ZGRF1: variants seen among roughly 807,000 people sequenced by gnomAD.
The protein encoded by ZGRF1 is 5'-3' DNA helicase ZGRF1.
In ZGRF1, 196 loss-of-function variants were observed where a neutral mutation model predicts 203.5. The ratio of observed to expected loss-of-function variants is 0.96; its 90% CI spans 0.86 to 1.08. The LOEUF is 1.08. Ranked by LOEUF, ZGRF1 falls within the 50% of genes least tolerant of loss-of-function variation. ZGRF1 has a pLI of 0.00. For synonymous variants in ZGRF1, 809 were observed against 841.3 expected, an observed-to-expected ratio of 0.96 and a Z score of 0.66; for missense variants, 2,326 against 2,416.3, an observed-to-expected ratio of 0.96 and a Z score of 0.78.
At chr4:112,583,377 G>A (rs912425507) in intron 15 of ZGRF1, among the ~76,000 whole-genome samples, 2 of 152,076 alleles carry the variant, frequency 1.3e-5, no homozygotes, top group Non-Finnish European at 2.9e-5. Flanking sequence ...ATAGTTTGTC[G>A]GATAGGGTTT....
At chr4:112,606,159 T>C (rs952210192) in intron 8 of ZGRF1, 68 bp from the exon 9 acceptor site, 7 of 1,046,706 alleles carry the variant, frequency 6.7e-6, no homozygotes, top group Admixed American at 4.6e-5. Flanking sequence ...ATGATTTTGA[T>C]GGAAAAATAA....
intron 7 of ZGRF1, chr4:112,611,042 A>C (rs1751502258): frequency 4.8e-6 from 1 of 208,750 alleles, no homozygotes; most frequent in African/African-American, 2.4e-5. Context: ...AAAAGAAAAA[A>C]AAATCAACAT....
chr4:112,586,512 T>C lies in ZGRF1; in HGVS notation c.3849A>G (p.Gln1283=), dbSNP rs756801335. The change falls in exon 13 of 28, where the codon CAA becomes CAG. Residue 1283 remains glutamine (Q), a synonymous_variant. Coordinates refer to ENST00000505019, the MANE Select transcript of ZGRF1 (RefSeq NM_018392.5). ...ACTGAAAAACAGCTGGTATGTGAAT[T>C]TGCCTTTGGGGAAGATAAGCAGATT... The part of the protein sequence containing the change: ...KIKSAYLPQR[Q]IHIPAVFQSP... The C allele has an allele frequency of 6.2e-7, 1 of 1,613,268 alleles. No individual in the cohort carries two copies. The highest frequency in any genetic ancestry group is 8.5e-7 in the Non-Finnish European group (1 of 1,179,506).
At chr4:112,612,632 C>A in intron 6 of ZGRF1, 44 bp from the exon 7 acceptor site, 1 of 1,219,900 alleles carries the variant, frequency 8.2e-7, no homozygotes, top group South Asian at 1.3e-5. Flanking sequence ...TTATATATAG[C>A]AGTACTCTAA....
At chr4:112,601,783 A>C (rs960406920) in intron 10 of ZGRF1, among the ~76,000 whole-genome samples, 3 of 152,184 alleles carry the variant, frequency 2.0e-5, no homozygotes, top group Admixed American at 1.3e-4. Context: ...CAAAGATACC[A>C]TTAAGAGTGA....
chr4:112,595,960 G>A (rs1207200456), intron 10 of ZGRF1, among the ~76,000 whole-genome samples: 1 of 152,116 alleles, frequency 6.6e-6, no homozygotes, highest in Non-Finnish European at 1.5e-5. Context: ...CTACATGCAA[G>A]CAATGTCACG....
chr4:112,627,530 C>T (rs923907997), intron 3 of ZGRF1, among the ~76,000 whole-genome samples: 1 of 152,058 alleles, frequency 6.6e-6, no homozygotes, highest in African/African-American at 2.4e-5. Context: ...CATCTGAGGT[C>T]GAGAGTTTGA....
rs774737762 is a variant in ZGRF1, at chr4:112,631,993, T to A, written c.39A>T (p.Gln13His). The A allele has an allele frequency of 6.3e-7, 1 of 1,578,706 alleles. No individual in the cohort carries two copies. The highest frequency in any genetic ancestry group is 1.3e-5 in the African/African-American group (1 of 74,078). ...SQEFIVLYTH[Q>H]KMKKSKVWQD... ...GCCACACTTTTGACTTCTTCATCTT[T>A]TGATGAGTATATAGAACCTTATTTC... Residue 13 changes from glutamine (Q) to histidine (H), a missense_variant, in exon 3 of 28, where the codon CAA (glutamine) becomes CAT (histidine). Coordinates refer to ENST00000505019, the MANE Select transcript of ZGRF1 (RefSeq NM_018392.5).
At chr4:112,608,912 A>C (rs769727864) in intron 8 of ZGRF1, among the ~76,000 whole-genome samples, 9 of 152,212 alleles carry the variant, frequency 5.9e-5, no homozygotes, top group Non-Finnish European at 1.3e-4. Context: ...TATTTAACCA[A>C]ATTATATTGA....
intron 3 of ZGRF1, among the ~76,000 whole-genome samples, chr4:112,629,404 C>A (rs555094691): frequency 6.6e-6 from 1 of 152,346 alleles, no homozygotes; most frequent in East Asian, 1.9e-4. Flanking sequence ...GGCGCGGTGG[C>A]TTATGCCTGT....
At chr4:112,631,854 G>T in intron 3 of ZGRF1, 76 bp downstream of exon 3, 2 of 649,068 alleles carry the variant, frequency 3.1e-6, no homozygotes, top group East Asian at 2.9e-5. Flanking sequence ...ATTTTATCAT[G>T]TACAGTTTTT....
intron 16 of ZGRF1, among the ~76,000 whole-genome samples, chr4:112,572,106 C>T (rs144873282): frequency 7.4e-4 from 112 of 152,224 alleles, no homozygotes; most frequent in Middle Eastern, 3.4e-3. Context: ...ATCCCTACTT[C>T]ATACCATATA....
intron 10 of ZGRF1, among the ~76,000 whole-genome samples, chr4:112,599,103 AG>A (rs1266220774): frequency 6.6e-6 from 1 of 152,140 alleles, no homozygotes; most frequent in African/African-American, 2.4e-5. Context: ...AAAATGACAA[AG>A]GGTTAATTTT....
intron 4 of ZGRF1, among the ~76,000 whole-genome samples, chr4:112,621,607 C>T (rs1027017647): frequency 3.4e-5 from 5 of 148,328 alleles, no homozygotes; most frequent in South Asian, 2.2e-4. Context: ...GAGGTGAGAT[C>T]GCGCTATTGC....
intron 3 of ZGRF1, among the ~76,000 whole-genome samples, chr4:112,625,585 C>CAAAA (rs35757277): frequency 9.8e-6 from 1 of 102,386 alleles, no homozygotes; most frequent in East Asian, 2.7e-4. Context: ...GATTCCGTCT[C>CAAAA]AAAAAAAAAA....
chr4:112,628,768 T>G (rs116300889), intron 3 of ZGRF1: 1 of 442,830 alleles, frequency 2.3e-6, no homozygotes, highest in African/African-American at 2.0e-5. Flanking sequence ...CCATAATAAT[T>G]TGGAACCAGA....
chr4:112,621,610 G>A (rs559072433), intron 4 of ZGRF1, among the ~76,000 whole-genome samples: 3 of 147,452 alleles, frequency 2.0e-5, no homozygotes, highest in Non-Finnish European at 3.0e-5. Flanking sequence ...GTGAGATCGC[G>A]CTATTGCACT....
At chr4:112,565,489 A>AT (rs1484974837) in intron 16 of ZGRF1, 25 of 648,736 alleles carry the variant, frequency 3.9e-5, no homozygotes, top group Admixed American at 1.1e-4. Context: ...AACGTTAGGT[A>AT]TTTTTTTTCC....
intron 3 of ZGRF1, chr4:112,628,680 T>C: frequency 2.2e-6 from 1 of 456,190 alleles, no homozygotes; most frequent in South Asian, 1.5e-5. Context: ...TATAACCTAC[T>C]TGTGTGAGAT....
Sources: gnomAD v4.1 joint callset for allele counts (sites outside exome capture counted in the v4.1 genomes callset) on GRCh38, gnomAD v4.1.1 for gene constraint, MANE v1.5 for transcripts, NCBI Gene and HGNC (gene_info 2026-07-23, HGNC 2026-07-21) for gene names.